The following STPG2 variants were observed in gnomAD, a reference collection of about 807,000 sequenced individuals.
STPG2 encodes sperm-tail PG-rich repeat-containing protein 2.
STPG2 carries 56 observed loss-of-function variants against 54.2 expected under a neutral mutation model. That is an observed-to-expected ratio of 1.03 (90% CI 0.83 to 1.29). The LOEUF (loss-of-function observed/expected upper bound fraction) is 1.29, where lower values mean the gene tolerates loss of function less well. Among genes scored for constraint, STPG2 ranks in the 50% most tolerant of loss-of-function variants. The pLI is 0.00. For missense variants in STPG2, 596 were observed against 544.9 expected (o/e 1.09, Z -0.93); for synonymous variants, 200 against 181.8 (o/e 1.10, Z -0.81).
At chr4:98,111,778 C>T (rs1380603578) in intron 3 of STPG2, among the ~76,000 whole-genome samples, 4 of 152,098 alleles carry the variant, frequency 2.6e-5, no homozygotes, top group Non-Finnish European at 5.9e-5. Flanking sequence ...CACCCAATGT[C>T]GTGGGCACCT....
intron 8 of STPG2, among the ~76,000 whole-genome samples, chr4:97,851,837 A>T (rs921793284): frequency 2.0e-5 from 3 of 152,174 alleles, no homozygotes; most frequent in Non-Finnish European, 4.4e-5. Context: ...TATAGAAAAA[A>T]ATGTGTATCT....
At chr4:97,643,930 T>C (rs562929464) in intron 10 of STPG2, among the ~76,000 whole-genome samples, 1 of 152,004 alleles carries the variant, frequency 6.6e-6, no homozygotes, top group South Asian at 2.1e-4. Flanking sequence ...AAATAAGTTA[T>C]AGTAAATTTA....
intron 10 of STPG2, among the ~76,000 whole-genome samples, chr4:97,705,357 ACT>A (rs1723908088): frequency 6.7e-6 from 1 of 150,002 alleles, no homozygotes; most frequent in African/African-American, 2.5e-5. Context: ...ATGGAGTCTC[ACT>A]CTGTTACCCA....
At chr4:97,942,579 G>GA (rs986800872) in intron 8 of STPG2, among the ~76,000 whole-genome samples, 12 of 150,282 alleles carry the variant, frequency 8.0e-5, no homozygotes, top group South Asian at 6.3e-4. Flanking sequence ...TAATGCCTCA[G>GA]AAAAAAAAAT....
chr4:97,683,199 C>T (rs965494246), intron 10 of STPG2, among the ~76,000 whole-genome samples: 3 of 151,546 alleles, frequency 2.0e-5, no homozygotes. Flanking sequence ...TGAGCCCTTA[C>T]CCAGATTTAA....
At chr4:97,821,701 TAC>T (rs1172034380) in intron 9 of STPG2, among the ~76,000 whole-genome samples, 2 of 152,190 alleles carry the variant, frequency 1.3e-5, no homozygotes, top group Non-Finnish European at 2.9e-5. Context: ...TCTGTGTGCC[TAC>T]AGACTTAACA....
At chr4:97,645,613 G>A (rs1721891844) in intron 10 of STPG2, among the ~76,000 whole-genome samples, 1 of 152,074 alleles carries the variant, frequency 6.6e-6, no homozygotes, top group Non-Finnish European at 1.5e-5. Context: ...TTATGATCAT[G>A]GGGGGTTGGC....
At chr4:97,992,663 C>A (rs943152909) in intron 5 of STPG2, among the ~76,000 whole-genome samples, 1 of 152,052 alleles carries the variant, frequency 6.6e-6, no homozygotes, top group Non-Finnish European at 1.5e-5. Context: ...ATGAGAATTG[C>A]ATTGAATCTG....
rs554760837 is a variant in STPG2, at chr4:98,120,761, T to C, written c.387+7667A>G. 3.9e-5 allele frequency among the ~76,000 whole-genome samples: 6 copies of C among 152,192 alleles called. No homozygotes were observed. In the South Asian group the frequency reaches 1.2e-3, roughly 32 times the overall value. ...TGCCCCTTTTTTACTGGGGTTGTTT[T>C]TTATTGTAAATTTGGTTAAGTTCCC... On this transcript the variant is annotated intron_variant, in intron 3 of 10. Transcript: ENST00000295268.
chr4:97,929,607 T>C (rs1239662364), intron 8 of STPG2, among the ~76,000 whole-genome samples: 1 of 152,192 alleles, frequency 6.6e-6, no homozygotes, highest in Admixed American at 6.5e-5. Flanking sequence ...TAGTTTTGAT[T>C]TGAATTTCTC....
intron 3 of STPG2, among the ~76,000 whole-genome samples, chr4:98,125,683 C>T (rs553222426): frequency 6.6e-6 from 1 of 152,274 alleles, no homozygotes; most frequent in Admixed American, 6.5e-5. Context: ...GCAGTCTGGC[C>T]ACTCCTTGGC....
intron 7 of STPG2, among the ~76,000 whole-genome samples, chr4:97,952,372 T>C (rs903037675): frequency 1.5e-4 from 23 of 152,158 alleles, no homozygotes; most frequent in Non-Finnish European, 2.4e-4. Context: ...AACCCAGTAC[T>C]GCAACTGTGC....
chr4:97,910,791 A>C (rs1204618542), intron 8 of STPG2, among the ~76,000 whole-genome samples: 1 of 152,252 alleles, frequency 6.6e-6, no homozygotes, highest in East Asian at 1.9e-4. Context: ...CATTTAAAGC[A>C]GGTATCATAC....
chr4:97,756,826 G>A (rs997647680), intron 9 of STPG2, among the ~76,000 whole-genome samples: 2 of 151,124 alleles, frequency 1.3e-5, no homozygotes, highest in Non-Finnish European at 2.9e-5. Flanking sequence ...TGGTAAAAAG[G>A]TAAAACATAT....
chr4:97,678,562 T>TTC (rs1722926603), intron 10 of STPG2, among the ~76,000 whole-genome samples: 1 of 152,144 alleles, frequency 6.6e-6, no homozygotes, highest in Non-Finnish European at 1.5e-5. Flanking sequence ...ATCACAGGAA[T>TTC]AGACACTATT....
At chr4:97,641,858 C>G (rs1029315599) in intron 10 of STPG2, among the ~76,000 whole-genome samples, 1 of 151,528 alleles carries the variant, frequency 6.6e-6, no homozygotes, top group African/African-American at 2.4e-5. Flanking sequence ...CTTCCCTTAT[C>G]TCTTTATTTG....
chr4:97,941,977 T>A (rs1733001637), intron 8 of STPG2, among the ~76,000 whole-genome samples: 1 of 151,846 alleles, frequency 6.6e-6, no homozygotes, highest in African/African-American at 2.4e-5. Flanking sequence ...AAAAGAAGTT[T>A]TCAGATCTAA....
intron 8 of STPG2, among the ~76,000 whole-genome samples, chr4:97,859,954 T>G (rs546276216): frequency 6.6e-6 from 1 of 152,242 alleles, no homozygotes; most frequent in Admixed American, 6.5e-5. Context: ...ACTTGCCAAT[T>G]ATTCTGGCAT....
chr4:98,114,939 CTT>C (rs1346058749), intron 3 of STPG2, among the ~76,000 whole-genome samples: 2 of 126,444 alleles, frequency 1.6e-5, no homozygotes, highest in African/African-American at 3.1e-5. Context: ...TTGATGCACT[CTT>C]ATCTCTAAAT....
Sources: gnomAD v4.1 joint callset for allele counts (sites outside exome capture counted in the v4.1 genomes callset) on GRCh38, gnomAD v4.1.1 for gene constraint, MANE v1.5 for transcripts, NCBI Gene and HGNC (gene_info 2026-07-23, HGNC 2026-07-21) for gene names.